Variants in MCTP2 observed in about 807,000 individuals in gnomAD.
MCTP2 encodes multiple C2 and transmembrane domain-containing protein 2.
In MCTP2, 132 loss-of-function variants were observed where a neutral mutation model predicts 111.6. The observed-to-expected ratio is 1.18, with a 90% CI of 1.03 to 1.37. The LOEUF (loss-of-function observed/expected upper bound fraction) is 1.37. Ranked by LOEUF, MCTP2 falls within the 40% of genes most tolerant of loss-of-function variation. MCTP2 has a pLI of 0.00. For missense variants in MCTP2, 1,183 were observed against 1,067.9 expected (o/e 1.11, Z -1.50); for synonymous variants, 395 against 387.7 (o/e 1.02, Z -0.22).
chr15:94,330,632 GT>G (rs931346261), intron 4 of MCTP2, among the ~76,000 whole-genome samples: 8 of 151,880 alleles, frequency 5.3e-5, no homozygotes, highest in Non-Finnish European at 1.0e-4. Flanking sequence ...TGGGGCCCTC[GT>G]TTTTTGGTGT....
chr15:94,285,339 A>G (rs1340219246), intron 1 of MCTP2, among the ~76,000 whole-genome samples: 1 of 152,110 alleles, frequency 6.6e-6, no homozygotes, highest in East Asian at 1.9e-4. Context: ...GATAATTAGT[A>G]TAAACCAAGT....
chr15:94,363,323 G>A (rs2079033768), intron 10 of MCTP2, among the ~76,000 whole-genome samples: 2 of 152,152 alleles, frequency 1.3e-5, no homozygotes, highest in African/African-American at 4.8e-5. Context: ...GCAGGCAGTG[G>A]CAGTAGGTGG....
intron 7 of MCTP2, chr15:94,343,813 A>G (rs561047912): frequency 6.6e-6 from 1 of 152,318 alleles, no homozygotes; most frequent in South Asian, 2.1e-4. Context: ...GAAGATTGAA[A>G]TTATCAAATA....
intron 4 of MCTP2, among the ~76,000 whole-genome samples, chr15:94,320,440 C>T (rs1023688906): frequency 2.0e-5 from 3 of 152,088 alleles, no homozygotes; most frequent in African/African-American, 7.2e-5. Context: ...TGCGCCTGGC[C>T]CTAGTTTATT....
intron 1 of MCTP2, among the ~76,000 whole-genome samples, chr15:94,253,071 G>C (rs1169227953): frequency 6.6e-6 from 1 of 152,068 alleles, no homozygotes; most frequent in African/African-American, 2.4e-5. Flanking sequence ...TGCAACATTT[G>C]CAATTGTTGC....
chr15:94,310,855 G>A (rs1455662457), intron 2 of MCTP2, among the ~76,000 whole-genome samples: 13 of 151,614 alleles, frequency 8.6e-5, no homozygotes, highest in Non-Finnish European at 1.5e-5. Flanking sequence ...CAGGAGGATG[G>A]CTTAAAGTTC....
chr15:94,426,210 A>C (rs141517414), intron 17 of MCTP2, among the ~76,000 whole-genome samples: 1 of 151,946 alleles, frequency 6.6e-6, no homozygotes, highest in African/African-American at 2.4e-5. Flanking sequence ...CCTATTTGGC[A>C]TTCCTTAACT....
At chr15:94,399,408 T>G in intron 15 of MCTP2, 1 of 197,010 alleles carries the variant, frequency 5.1e-6, no homozygotes, top group Non-Finnish European at 1.0e-5. Context: ...AGTCTGGTGG[T>G]TTGAACAAGT....
chr15:94,382,530 A>G (rs2080199756), intron 12 of MCTP2, among the ~76,000 whole-genome samples: 3 of 152,264 alleles, frequency 2.0e-5, no homozygotes, highest in Admixed American at 2.0e-4. Flanking sequence ...AATACTATTC[A>G]TCGCCCATGC....
At chr15:94,435,865 T>C (rs1364254612) in intron 17 of MCTP2, among the ~76,000 whole-genome samples, 1 of 151,450 alleles carries the variant, frequency 6.6e-6, no homozygotes, top group Non-Finnish European at 1.5e-5. Flanking sequence ...TCTCCTGACC[T>C]CGTGATCCGC....
chr15:94,236,631 C>T (rs1310841073), intron 1 of MCTP2, among the ~76,000 whole-genome samples: 4 of 152,062 alleles, frequency 2.6e-5, no homozygotes, highest in Middle Eastern at 3.4e-3. Context: ...TCTATGCATG[C>T]GTTCATTCAT....
At chr15:94,432,804 A>C (rs959248795) in intron 17 of MCTP2, among the ~76,000 whole-genome samples, 1 of 152,230 alleles carries the variant, frequency 6.6e-6, no homozygotes, top group African/African-American at 2.4e-5. Flanking sequence ...CTTGAAGGAC[A>C]AAAGGACAGA....
chr15:94,429,128 T>TC (rs1374138413), intron 17 of MCTP2, among the ~76,000 whole-genome samples: 2 of 150,148 alleles, frequency 1.3e-5, no homozygotes, highest in African/African-American at 4.9e-5. Flanking sequence ...TCTATATCTA[T>TC]CCCCCTACCG....
chr15:94,456,558 G>A (rs971955931), intron 19 of MCTP2, among the ~76,000 whole-genome samples: 6 of 152,094 alleles, frequency 3.9e-5, no homozygotes, highest in Non-Finnish European at 7.4e-5. Context: ...AATAGATGTC[G>A]GTGGACTCAT....
chr15:94,369,134 GT>G (rs2079355041), intron 11 of MCTP2, among the ~76,000 whole-genome samples: 1 of 152,132 alleles, frequency 6.6e-6, no homozygotes, highest in Non-Finnish European at 1.5e-5. Context: ...TGTTTTGTTT[GT>G]TTAGGTTGAA....
intron 1 of MCTP2, among the ~76,000 whole-genome samples, chr15:94,284,514 A>G (rs756995014): frequency 1.3e-5 from 2 of 152,242 alleles, no homozygotes; most frequent in Non-Finnish European, 2.9e-5. Context: ...ATGAAGCTAC[A>G]TTTATCATTG....
intron 4 of MCTP2, among the ~76,000 whole-genome samples, chr15:94,335,201 T>G (rs932212215): frequency 6.6e-6 from 1 of 152,196 alleles, no homozygotes; most frequent in Non-Finnish European, 1.5e-5. Context: ...CTGAACACTT[T>G]ACCCTGCTGC....
intron 1 of MCTP2, among the ~76,000 whole-genome samples, chr15:94,294,941 CTTTTTTTTTTTTTTT>C (rs71133001): frequency 6.8e-5 from 5 of 73,994 alleles, no homozygotes; most frequent in East Asian, 4.3e-4. Flanking sequence ...TTTTCTTTTC[CTTTTTTTTTTTTTTT>C]TTTTTTTTTT....
rs1269098742 is a variant in MCTP2 at position 94,245,716 on chromosome 15, G to A, written c.-66+14052G>A. Among the ~76,000 whole-genome samples the A allele has an allele frequency of 1.6e-3, 221 of 139,774 alleles. 1 individual carries two copies. The highest frequency in any genetic ancestry group is 4.0e-3 in the African/African-American group (149 of 37,388). The allele number at this position is 139,774 out of a possible 152,430, so 91.7% of individuals were successfully genotyped here. A position where few individuals can be genotyped will look rare whatever the true frequency, so the allele number is the denominator to read the frequency against. ...TATATAAATATATGTGTGTGTGTGT[G>A]TATATATATATATATATATCTATAT... is the stretch of plus-strand genomic sequence containing the variant. On this transcript the variant is annotated intron_variant, in intron 1 of 22. Coordinates refer to ENST00000357742, the MANE Select transcript of MCTP2 (RefSeq NM_001385001.1).
Sources: gnomAD v4.1 joint callset for allele counts (sites outside exome capture counted in the v4.1 genomes callset) on GRCh38, gnomAD v4.1.1 for gene constraint, MANE v1.5 for transcripts, NCBI Gene and HGNC (gene_info 2026-07-23, HGNC 2026-07-21) for gene names.